The following ERICH6B variants were observed in gnomAD, a reference collection of about 807,000 sequenced individuals.
ERICH6B encodes glutamate-rich protein 6B.
A neutral mutation model predicts 80.0 loss-of-function variants in ERICH6B; 69 were observed. That is an observed-to-expected ratio of 0.86 (90% confidence interval 0.71 to 1.05). The LOEUF (loss-of-function observed/expected upper bound fraction) is 1.05, where lower values mean the gene tolerates loss of function less well. ERICH6B is among the 50% of genes least tolerant of loss of function. ERICH6B has a pLI of 0.00. For synonymous variants in ERICH6B, 283 were observed against 291.9 expected (o/e 0.97, Z 0.31); for missense variants, 754 against 796.1 (o/e 0.95, Z 0.64).
intron 3 of ERICH6B, among the ~76,000 whole-genome samples, chr13:45,591,973 A>G (rs1876175201): frequency 6.6e-6 from 1 of 152,212 alleles, no homozygotes. Flanking sequence ...TAAAAAGCAG[A>G]AACAAAGCAT....
At chr13:45,566,060 T>C (rs1016381791) in intron 9 of ERICH6B, among the ~76,000 whole-genome samples, 4 of 152,212 alleles carry the variant, frequency 2.6e-5, no homozygotes, top group African/African-American at 9.7e-5. Context: ...GTGAGCCTTT[T>C]ATGTTCTAGC....
At position 45,580,672 on chromosome 13, in the gene ERICH6B, A is replaced by G; in HGVS notation, c.857-7T>C. On this transcript the variant is annotated splice_polypyrimidine_tract_variant and splice_region_variant and intron_variant, in intron 5 of 14. Coordinates refer to ENST00000298738, the MANE Select transcript of ERICH6B (RefSeq NM_182542.3). ...TTCGATTTTAAAGATTTTACTGTTA[A>G]AAGGCAGAAGAGGGTGGCTATTAAT... is the stretch of plus-strand genomic sequence containing the variant. 6.4e-7 allele frequency: 1 copy of G among 1,551,600 alleles called. No individual in the cohort carries two copies. Among genetic ancestry groups the G allele is most frequent in the Non-Finnish European group, 8.7e-7 (1 of 1,146,922 alleles).
Position 45,568,324 on chromosome 13 carries a change from A to G in ERICH6B, c.1178T>C (p.Leu393Pro). 6.5e-7 allele frequency: 1 copy of G among 1,542,754 alleles called. No homozygotes were observed. The highest frequency in any genetic ancestry group is 1.4e-5 in the African/African-American group (1 of 72,648). ...KLLESENRWK[L>P]VIMLKKNYEK... ...CTCACCAGTTACTTACATAATTACC[A>G]GTTTCCATCTGTTTTCACTTTCCAG... Residue 393 changes from leucine to proline, a missense_variant, in exon 9 of 15, where the codon CTG becomes CCG. Physicochemically the swap from Leu to Pro is moderately conservative, Grantham distance 98 (BLOSUM62 -3). Transcript: ENST00000298738.
Position 45,596,481 on chromosome 13 carries a change from A to G in ERICH6B, c.525T>C (p.Tyr175=), listed in dbSNP as rs984969535. The change falls in exon 3 of 15, where the codon TAT becomes TAC. Residue 175 remains tyrosine, a synonymous_variant. Coordinates refer to ENST00000298738, the MANE Select transcript of ERICH6B (RefSeq NM_182542.3). ...EEEEYLGKKS[Y]LEEEKALEKE... ...TCTCCAGAGCCTTTTCCTCTTCTAG[A>G]TATGATTTCTTCCCCAGATACTCCT... is the stretch of plus-strand genomic sequence containing the variant. 6.4e-7 allele frequency: 1 copy of G among 1,551,206 alleles called. No homozygotes were observed. The highest frequency in any genetic ancestry group is 1.4e-5 in the African/African-American group (1 of 72,816).
intron 9 of ERICH6B, among the ~76,000 whole-genome samples, chr13:45,567,139 G>C (rs1306446534): frequency 6.6e-6 from 1 of 152,218 alleles, no homozygotes; most frequent in African/African-American, 2.4e-5. Context: ...CTCTCAGTTA[G>C]AACAGCTGTA....
Position 45,574,892 on chromosome 13 carries a change from T to A in ERICH6B, c.1000A>T (p.Ile334Leu). Residue 334 changes from isoleucine to leucine, a missense_variant, in exon 8 of 15, where the codon ATA becomes TTA. Transcript: ENST00000298738. ...AGCTTGTCAATGGACTCATCTGTTA[T>A]ACCATCCCAAAAGTTCTCTTTAGAA... Reference protein sequence around the residue: ...FASKENFWDGITDESIDKLEV... With the variant: ...FASKENFWDGLTDESIDKLEV... The A allele has an allele frequency of 1.9e-6, 3 of 1,551,616 alleles. No homozygotes were observed. The highest frequency in any genetic ancestry group is 2.6e-6 in the Non-Finnish European group (3 of 1,146,966).
chr13:45,563,217 C>T (rs1273592402), intron 10 of ERICH6B, among the ~76,000 whole-genome samples: 1 of 152,076 alleles, frequency 6.6e-6, no homozygotes, highest in Non-Finnish European at 1.5e-5. Flanking sequence ...CTGGAGTACC[C>T]CACTCCCCCA....
intron 7 of ERICH6B, among the ~76,000 whole-genome samples, chr13:45,578,609 T>A (rs1875522772): frequency 6.6e-6 from 1 of 152,206 alleles, no homozygotes; most frequent in South Asian, 2.1e-4. Context: ...TGTTTTTACC[T>A]CCTCCATGTT....
chr13:45,557,144 A>C (rs1874475667), intron 11 of ERICH6B, among the ~76,000 whole-genome samples: 1 of 152,164 alleles, frequency 6.6e-6, no homozygotes, highest in African/African-American at 2.4e-5. Flanking sequence ...TGCAGGAGTA[A>C]GGTGGTATGG....
At chr13:45,556,826 C>T (rs900182503) in intron 11 of ERICH6B, among the ~76,000 whole-genome samples, 13 of 151,888 alleles carry the variant, frequency 8.6e-5, no homozygotes, top group South Asian at 4.2e-4. Flanking sequence ...TTTCTTTATC[C>T]GCTCATTTGT....
intron 2 of ERICH6B, among the ~76,000 whole-genome samples, chr13:45,604,837 G>A (rs1949848077): frequency 6.6e-6 from 1 of 152,130 alleles, no homozygotes; most frequent in African/African-American, 2.4e-5. Context: ...TGAGATGGGA[G>A]GATCACTTGA....
chr13:45,549,879 T>A lies in ERICH6B; in HGVS notation c.1646+14A>T, dbSNP rs1015701. 1 of 1,548,002 alleles carries A rather than the reference T, an allele frequency of 6.5e-7. No individual in the cohort carries two copies. The highest frequency in any genetic ancestry group is 8.7e-7 in the Non-Finnish European group (1 of 1,146,432). ...CATGGGCAGGAGTGTTAGGGACTCATGACCCAAGCTTACCAGATATCACTA... is the reference window on the plus strand; with the variant it reads ...CATGGGCAGGAGTGTTAGGGACTCAAGACCCAAGCTTACCAGATATCACTA... On this transcript the variant is annotated intron_variant, in intron 13 of 14. Coordinates refer to ENST00000298738, the MANE Select transcript of ERICH6B (RefSeq NM_182542.3).
intron 11 of ERICH6B, among the ~76,000 whole-genome samples, chr13:45,557,120 T>C (rs1045014171): frequency 1.3e-5 from 2 of 152,180 alleles, no homozygotes; most frequent in African/African-American, 4.8e-5. Context: ...GATTTTTTGA[T>C]TATGGCCCAT....
chr13:45,546,239 C>T (rs569449565), intron 13 of ERICH6B, among the ~76,000 whole-genome samples: 4 of 152,280 alleles, frequency 2.6e-5, no homozygotes, highest in African/African-American at 4.8e-5. Context: ...TCAAACCCAT[C>T]GTGTTCCTCT....
At chr13:45,593,504 C>T (rs1039749506) in intron 3 of ERICH6B, among the ~76,000 whole-genome samples, 4 of 152,032 alleles carry the variant, frequency 2.6e-5, no homozygotes, top group African/African-American at 9.7e-5. Flanking sequence ...CAATTAAATC[C>T]CTTTAATCCT....
intron 10 of ERICH6B, among the ~76,000 whole-genome samples, chr13:45,563,141 C>G (rs770304965): frequency 1.3e-5 from 2 of 152,060 alleles, no homozygotes; most frequent in African/African-American, 4.8e-5. Context: ...AGCTGGACAC[C>G]AAATGCCTTT....
rs577959779 is a variant in ERICH6B, at chr13:45,583,511, G to T, written c.857-2846C>A. ...TGAGTCCACTGAAGGAAGCACACCA[G>T]TTTGCACTTTTGAGAGCTTTCAATC... is the stretch of plus-strand genomic sequence containing the variant. On this transcript the variant is annotated intron_variant, in intron 5 of 14. Transcript: ENST00000298738. 9.2e-4 allele frequency among the ~76,000 whole-genome samples: 140 copies of T among 152,304 alleles called. 1 individual carries two copies. The highest frequency in any genetic ancestry group is 8.9e-3 in the South Asian group (43 of 4,826).
chr13:45,590,704 G>GA lies in ERICH6B; in HGVS notation c.638-8dup. ...GAATAACTTGCCTTGGGTTCTATTG[G>GA]AAAAAAGAATAAAAAAGCAATATTG... is the stretch of plus-strand genomic sequence containing the variant. On this transcript the variant is annotated splice_region_variant and splice_polypyrimidine_tract_variant and intron_variant, in intron 3 of 14. Transcript: ENST00000298738. The GA allele has an allele frequency of 6.5e-7, 1 of 1,547,930 alleles. No individual in the cohort carries two copies. Among genetic ancestry groups the GA allele is most frequent in the Non-Finnish European group, 8.7e-7 (1 of 1,145,888 alleles).
chr13:45,603,109 G>C (rs1479077826), intron 2 of ERICH6B, among the ~76,000 whole-genome samples: 2 of 152,158 alleles, frequency 1.3e-5, no homozygotes, highest in African/African-American at 4.8e-5. Context: ...GGACTTCCAA[G>C]GTCCTAGGGC....
Sources: gnomAD v4.1 joint callset for allele counts (sites outside exome capture counted in the v4.1 genomes callset) on GRCh38, gnomAD v4.1.1 for gene constraint, MANE v1.5 for transcripts, NCBI Gene and HGNC (gene_info 2026-07-23, HGNC 2026-07-21) for gene names.